CMKLR1: variants seen among roughly 807,000 people sequenced by gnomAD.
CMKLR1 encodes chemerin-like receptor 1.
In CMKLR1, 6 loss-of-function variants were observed where a neutral mutation model predicts 8.2. The ratio of observed to expected loss-of-function variants is 0.73; its 90% CI spans 0.40 to 1.44. The LOEUF (loss-of-function observed/expected upper bound fraction) is 1.44, where lower values mean the gene tolerates loss of function less well. Ranked by LOEUF, CMKLR1 falls within the 40% of genes most tolerant of loss-of-function variation. CMKLR1 has a pLI of 0.02. For missense variants in CMKLR1, 429 were observed against 478.0 expected (o/e 0.90, Z 0.96); for synonymous variants, 178 against 181.2 (o/e 0.98, Z 0.14).
intron 2 of CMKLR1, among the ~76,000 whole-genome samples, chr12:108,311,345 T>C (rs573439367): frequency 6.6e-6 from 1 of 152,224 alleles, no homozygotes; most frequent in South Asian, 2.1e-4. Context: ...CTGGGCACAG[T>C]GGCTCATGCC....
intron 2 of CMKLR1, among the ~76,000 whole-genome samples, chr12:108,296,450 G>A (rs561741961): frequency 4.6e-5 from 7 of 152,188 alleles, no homozygotes; most frequent in Non-Finnish European, 1.0e-4. Flanking sequence ...GCCTGGGAAG[G>A]TGGGATGAGG....
chr12:108,309,391 T>A (rs1408348994), intron 2 of CMKLR1, among the ~76,000 whole-genome samples: 1 of 152,138 alleles, frequency 6.6e-6, no homozygotes, highest in Admixed American at 6.5e-5. Context: ...AGACATGGGC[T>A]GGTGCTGTGG....
At chr12:108,328,144 GCCAGCTT>G (rs1405148139) in intron 2 of CMKLR1, among the ~76,000 whole-genome samples, 1 of 152,164 alleles carries the variant, frequency 6.6e-6, no homozygotes, top group African/African-American at 2.4e-5. Context: ...GCCAGACAGG[GCCAGCTT>G]CCCCCGGGAG....
At chr12:108,331,351 T>A (rs1892102438) in intron 1 of CMKLR1, among the ~76,000 whole-genome samples, 1 of 152,340 alleles carries the variant, frequency 6.6e-6, no homozygotes, top group East Asian at 1.9e-4. Context: ...GTCTGGTTCC[T>A]GGTTCGGTCC....
At chr12:108,333,720 A>G (rs1273597290) in intron 1 of CMKLR1, among the ~76,000 whole-genome samples, 1 of 152,200 alleles carries the variant, frequency 6.6e-6, no homozygotes, top group East Asian at 1.9e-4. Flanking sequence ...GGGATCTATC[A>G]TCACCACAGT....
At chr12:108,299,763 G>T (rs1409496228) in intron 2 of CMKLR1, among the ~76,000 whole-genome samples, 1 of 152,186 alleles carries the variant, frequency 6.6e-6, no homozygotes, top group Non-Finnish European at 1.5e-5. Flanking sequence ...GCCACCAGAA[G>T]CTGGCAGAGG....
intron 2 of CMKLR1, among the ~76,000 whole-genome samples, chr12:108,299,284 T>A (rs1171151266): frequency 1.3e-5 from 2 of 152,190 alleles, no homozygotes; most frequent in Non-Finnish European, 2.9e-5. Context: ...GGGAGAGGCA[T>A]GAACTGGAAC....
chr12:108,322,374 G>A (rs953219840), intron 2 of CMKLR1, among the ~76,000 whole-genome samples: 6 of 152,162 alleles, frequency 3.9e-5, no homozygotes, highest in South Asian at 2.1e-4. Context: ...CTCTACCTCT[G>A]CTCCACACAG....
At chr12:108,336,557 A>G (rs1892229794) in intron 1 of CMKLR1, among the ~76,000 whole-genome samples, 1 of 152,108 alleles carries the variant, frequency 6.6e-6, no homozygotes, top group Admixed American at 6.5e-5. Flanking sequence ...AGGAAAAAAA[A>G]AAAAAAGAAA....
rs996768156 is a variant in CMKLR1, at chr12:108,290,351, C to T, written c.*1490G>A. The T allele has an allele frequency of 6.6e-6, 1 of 152,158 alleles. No individual in the cohort carries two copies. The highest frequency in any genetic ancestry group is 6.5e-5 in the Admixed American group (1 of 15,276). 9.4% of individuals were successfully genotyped at this position (152,158 alleles called of 1,614,324 possible). Reference sequence around the variant, plus strand: ...GGCAAGTTACTTAACCTCTCTAAGCCTCAGATTCCTCCTATGTAAAAGGGA... The same window carrying T: ...GGCAAGTTACTTAACCTCTCTAAGCTTCAGATTCCTCCTATGTAAAAGGGA... On this transcript the variant is annotated 3_prime_UTR_variant, in exon 4 of 4. Coordinates refer to ENST00000550402, the MANE Select transcript of CMKLR1 (RefSeq NM_001142343.2).
intron 2 of CMKLR1, among the ~76,000 whole-genome samples, chr12:108,317,368 T>C (rs560443953): frequency 3.3e-5 from 5 of 152,236 alleles, no homozygotes; most frequent in African/African-American, 1.2e-4. Context: ...TGGAATGAAA[T>C]GGCAGGTCCA....
chr12:108,317,234 C>A (rs1367945455), intron 2 of CMKLR1, among the ~76,000 whole-genome samples: 1 of 152,206 alleles, frequency 6.6e-6, no homozygotes, highest in Non-Finnish European at 1.5e-5. Flanking sequence ...CCAAGCAGTT[C>A]TCTTCATTGA....
At chr12:108,337,749 G>A (rs933771138) in intron 1 of CMKLR1, among the ~76,000 whole-genome samples, 1 of 152,156 alleles carries the variant, frequency 6.6e-6, no homozygotes, top group African/African-American at 2.4e-5. Context: ...ACTCTCCTGT[G>A]GACCTCCCAA....
chr12:108,319,510 GCTTA>G (rs1891807938), intron 2 of CMKLR1, among the ~76,000 whole-genome samples: 1 of 152,198 alleles, frequency 6.6e-6, no homozygotes, highest in Non-Finnish European at 1.5e-5. Context: ...CCTCTTTGTT[GCTTA>G]AATTCTTTCC....
chr12:108,305,670 T>G (rs1468668671), intron 2 of CMKLR1, among the ~76,000 whole-genome samples: 1 of 152,148 alleles, frequency 6.6e-6, no homozygotes, highest in African/African-American at 2.4e-5. Context: ...CTGCAGATGT[T>G]CCAGCCACAG....
intron 2 of CMKLR1, chr12:108,320,767 T>G (rs559420311): frequency 6.6e-6 from 1 of 152,364 alleles, no homozygotes; most frequent in East Asian, 1.9e-4. Flanking sequence ...CCACCCACCC[T>G]CCTGCTCATT....
In CMKLR1 at chr12:108,292,514, T is replaced by C; in HGVS notation, c.449A>G (p.His150Arg). ...CATGTAAGCCAGGCGAACGCTGCGG[T>C]GGTTCTGGGACCAGACAGGGAGGAG... Reference protein sequence around the residue: ...SVLLPVWSQNHRSVRLAYMAC... With the variant: ...SVLLPVWSQNRRSVRLAYMAC... The change falls in exon 4 of 4, where the codon CAC (histidine) becomes CGC (arginine). Residue 150 changes from histidine (H) to arginine (R), a missense_variant. Coordinates refer to ENST00000550402, the MANE Select transcript of CMKLR1 (RefSeq NM_001142343.2). The C allele has an allele frequency of 6.2e-7, 1 of 1,614,170 alleles. No homozygotes were observed. Among genetic ancestry groups the C allele is most frequent in the Non-Finnish European group, 8.5e-7 (1 of 1,180,038 alleles).
At chr12:108,334,742 T>C (rs763690566) in intron 1 of CMKLR1, among the ~76,000 whole-genome samples, 1 of 152,248 alleles carries the variant, frequency 6.6e-6, no homozygotes, top group Non-Finnish European at 1.5e-5. Context: ...TCTTTTGCTA[T>C]GAGCTGTGTG....
chr12:108,327,673 T>C (rs1167875825), intron 2 of CMKLR1, among the ~76,000 whole-genome samples: 2 of 152,096 alleles, frequency 1.3e-5, no homozygotes, highest in Non-Finnish European at 2.9e-5. Flanking sequence ...AGCCAAGAGG[T>C]AGGACTGGTC....
Sources: allele counts gnomAD v4.1 joint callset (sites outside exome capture counted in the v4.1 genomes callset), GRCh38; gene constraint gnomAD v4.1.1; transcripts MANE v1.5; gene names NCBI Gene and HGNC (gene_info 2026-07-23, HGNC 2026-07-21).